The following SMAD7 variants were observed in gnomAD, a reference collection of about 807,000 sequenced individuals.
SMAD7 encodes the protein MAD (mothers against decapentaplegic, Drosophila) homolog 7.
In SMAD7, 8 loss-of-function variants were observed where a neutral mutation model predicts 38.7. The ratio of observed to expected loss-of-function variants is 0.21; its 90% confidence interval spans 0.12 to 0.37. SMAD7 has a LOEUF of 0.37. Ranked by LOEUF, SMAD7 falls within the 10% of genes least tolerant of loss-of-function variation. The pLI is 1.00. For missense variants in SMAD7, 477 were observed against 577.9 expected (o/e 0.83, Z 1.79); for synonymous variants, 327 against 265.1 (o/e 1.23, Z -2.27).
Position 48,950,589 on chromosome 18 carries a change from T to G in SMAD7, c.-165A>C. 1 of 499,462 alleles carries G rather than the reference T, an allele frequency of 2.0e-6. No individual in the cohort carries two copies. The highest frequency in any genetic ancestry group is 4.7e-5 in the Admixed American group (1 of 21,146). 30.9% of individuals were successfully genotyped at this position (499,462 alleles called of 1,614,324 possible). ...CGGCGGCGGCCCGAGGGGCGCTCCG[T>G]GGCATGCGCCAGTCTCCCGGAGGCC... On this transcript the variant is annotated 5_prime_UTR_variant, in exon 1 of 4. Transcript: ENST00000262158.
chr18:48,944,233 C>T (rs894390061), intron 2 of SMAD7, among the ~76,000 whole-genome samples: 12 of 152,266 alleles, frequency 7.9e-5, no homozygotes, highest in Non-Finnish European at 1.5e-4. Flanking sequence ...ATGGAAGACA[C>T]CCCCACATTA....
chr18:48,947,886 GA>G (rs2070212332), intron 2 of SMAD7, among the ~76,000 whole-genome samples: 1 of 133,280 alleles, frequency 7.5e-6, no homozygotes, highest in Non-Finnish European at 1.5e-5. Context: ...GGAGCAGGAG[GA>G]ACCTACCCCC....
intron 3 of SMAD7, among the ~76,000 whole-genome samples, chr18:48,940,505 C>T (rs1449813238): frequency 6.6e-6 from 1 of 151,798 alleles, no homozygotes; most frequent in African/African-American, 2.4e-5. Flanking sequence ...AATCTCAGCA[C>T]TTGGGGAGGA....
chr18:48,946,924 G>A (rs1234206418), intron 2 of SMAD7, among the ~76,000 whole-genome samples: 1 of 152,094 alleles, frequency 6.6e-6, no homozygotes, highest in African/African-American at 2.4e-5. Flanking sequence ...TATCCCTGGG[G>A]CTAAGGTCAC....
chr18:48,927,993 A>G (rs1291879501), intron 3 of SMAD7, among the ~76,000 whole-genome samples: 1 of 152,208 alleles, frequency 6.6e-6, no homozygotes, highest in Non-Finnish European at 1.5e-5. Context: ...ACAGGCCTCT[A>G]AAGCCACCAA....
At chr18:48,931,331 C>T (rs372724255) in intron 3 of SMAD7, among the ~76,000 whole-genome samples, 61 of 152,258 alleles carry the variant, frequency 4.0e-4, no homozygotes, top group African/African-American at 1.3e-3. Flanking sequence ...TATTTTACCA[C>T]AATAAAAGAA....
At chr18:48,948,502 T>G (rs575305046) in intron 1 of SMAD7, 65 bp from the exon 2 acceptor site, 6 of 1,134,966 alleles carry the variant, frequency 5.3e-6, no homozygotes, top group South Asian at 2.8e-5. Context: ...AAACTTATGA[T>G]AACAGAGGCA....
At chr18:48,928,781 A>G (rs991493804) in intron 3 of SMAD7, among the ~76,000 whole-genome samples, 1 of 152,124 alleles carries the variant, frequency 6.6e-6, no homozygotes, top group Admixed American at 6.5e-5. Context: ...AAACCCCCCA[A>G]GCATCTGAGT....
rs373226611 is a variant in SMAD7 at position 48,933,866 on chromosome 18, C to T, written c.742+8615G>A. The T allele has an allele frequency of 8.1e-4, 123 of 152,446 alleles. No homozygotes were observed. In the South Asian group the frequency reaches 0.024, roughly 29 times the overall value. The allele number at this position is 152,446 out of a possible 1,614,324, so 9.4% of individuals were successfully genotyped here. ...TGTTCAACAATGCTTTTACACACCC[C>T]AGGGCCCTTGTTGTGTTATGAAAAC... On this transcript the variant is annotated intron_variant, in intron 3 of 3. Transcript: ENST00000262158.
Position 48,921,182 on chromosome 18 carries a change from A to G in SMAD7, c.*190T>C. 1.7e-6 allele frequency: 1 copy of G among 577,124 alleles called. No individual in the cohort carries two copies. The highest frequency in any genetic ancestry group is 3.0e-6 in the Non-Finnish European group (1 of 332,984). 35.8% of individuals were successfully genotyped at this position (577,124 alleles called of 1,614,324 possible). ...AAAAACCCCCAACAATTCTTTTCAT[A>G]AGCTATTTCTCAAAGAGCGAAACAA... On this transcript the variant is annotated 3_prime_UTR_variant, in exon 4 of 4. Transcript: ENST00000262158. The surrounding 1 kb of genome is among the most constrained non-coding windows in gnomAD (Gnocchi z 6.4).
In SMAD7 at chr18:48,948,462, A is replaced by C. The variant is rs750673656; in HGVS notation, c.614-25T>G. 2.6e-6 allele frequency: 4 copies of C among 1,514,888 alleles called. No homozygotes were observed. The African/African-American group carries it at 5.6e-5, about 21-fold the overall frequency. 93.8% of individuals were successfully genotyped at this position (1,514,888 alleles called of 1,614,324 possible). On this transcript the variant is annotated intron_variant, in intron 1 of 3. Transcript: ENST00000262158. ...TCTGAAATTAAAAAAGCAAGAGAAA[A>C]TAAAGGCCCAGCCATGAGAAGAGAG...
chr18:48,926,430 G>T (rs750907857), intron 3 of SMAD7, among the ~76,000 whole-genome samples: 1 of 152,202 alleles, frequency 6.6e-6, no homozygotes, highest in African/African-American at 2.4e-5. Context: ...GAGTGAGGAC[G>T]GGTCTCCACC....
At chr18:48,941,758 C>T (rs1370176438) in intron 3 of SMAD7, among the ~76,000 whole-genome samples, 1 of 152,188 alleles carries the variant, frequency 6.6e-6, no homozygotes, top group African/African-American at 2.4e-5. Context: ...GTGAGTTTCT[C>T]TAAGTACTGC....
At position 48,930,503 on chromosome 18, in the gene SMAD7, C is replaced by T. The variant is rs899087745; in HGVS notation, c.743-8593G>A. ...GGCCAGCTGCTCTGTGCTGGGTGCC[C>T]CACCTTTCAGAGCCTCCAGGCCTCC... On this transcript the variant is annotated intron_variant, in intron 3 of 3. Transcript: ENST00000262158. Among the ~76,000 whole-genome samples, 6 of 152,178 alleles carry T rather than the reference C, an allele frequency of 3.9e-5. No homozygotes were observed. In the East Asian group the frequency reaches 1.2e-3, roughly 29 times the overall value.
rs2070240653 is a variant in SMAD7, at chr18:48,949,873, C to G, written c.552G>C (p.Gly184=). Residue 184 remains glycine (G), a synonymous_variant, in exon 1 of 4, where the codon GGG becomes GGC. Transcript: ENST00000262158. ...VKRLCCCESY[G]KINPELVCCN... is the part of the protein sequence containing the mutation. ...AGCACACCAGCTCGGGGTTGATCTT[C>G]CCGTAAGATTCACAGCAACACAGCC... 1 of 1,613,188 alleles carries G rather than the reference C, an allele frequency of 6.2e-7. No individual in the cohort carries two copies. The highest frequency in any genetic ancestry group is 8.5e-7 in the Non-Finnish European group (1 of 1,179,604).
At chr18:48,926,984 C>T (rs1300180437) in intron 3 of SMAD7, among the ~76,000 whole-genome samples, 3 of 152,158 alleles carry the variant, frequency 2.0e-5, no homozygotes, top group East Asian at 3.9e-4. Flanking sequence ...TTTCAATAGG[C>T]GAATCCCTCC....
At chr18:48,940,706 C>T (rs996077685) in intron 3 of SMAD7, among the ~76,000 whole-genome samples, 7 of 151,860 alleles carry the variant, frequency 4.6e-5, no homozygotes, top group Non-Finnish European at 2.9e-5. Flanking sequence ...GAGCCGAAAT[C>T]GGGCCACTGC....
At chr18:48,932,627 G>A (rs146739221) in intron 3 of SMAD7, among the ~76,000 whole-genome samples, 25 of 152,250 alleles carry the variant, frequency 1.6e-4, no homozygotes, top group Middle Eastern at 3.4e-3. Context: ...GGAAGCCATC[G>A]GTTGGCCCCG....
chr18:48,924,859 T>C (rs1056098834), intron 3 of SMAD7, among the ~76,000 whole-genome samples: 15 of 152,198 alleles, frequency 9.9e-5, no homozygotes, highest in African/African-American at 3.6e-4. Flanking sequence ...ACACACACCC[T>C]TGTGTGGACA....
Sources: allele counts gnomAD v4.1 joint callset (sites outside exome capture counted in the v4.1 genomes callset), GRCh38; gene constraint gnomAD v4.1.1; non-coding constraint Gnocchi (gnomAD v3.1); transcripts MANE v1.5; gene names NCBI Gene and HGNC (gene_info 2026-07-23, HGNC 2026-07-21).